The following EFNA5 variants were observed in gnomAD, a reference collection of about 807,000 sequenced individuals.
EFNA5 encodes the protein ephrin-A5.
A neutral mutation model predicts 22.9 loss-of-function variants in EFNA5; 5 were observed. The observed-to-expected ratio is 0.22, with a 90% CI of 0.11 to 0.46. The LOEUF is 0.46. Among genes scored for constraint, EFNA5 ranks in the 20% least tolerant of loss-of-function variants. EFNA5 has a pLI of 0.99. For synonymous variants in EFNA5, 113 were observed against 112.2 expected, an observed-to-expected ratio of 1.01 and a Z score of -0.04; for missense variants, 237 against 293.3, an observed-to-expected ratio of 0.81 and a Z score of 1.40.
At chr5:107,391,390 C>G (rs535733517) in intron 2 of EFNA5, among the ~76,000 whole-genome samples, 1 of 152,228 alleles carries the variant, frequency 6.6e-6, no homozygotes, top group South Asian at 2.1e-4. Flanking sequence ...GTGTCCCAGA[C>G]ATGTTTATCA....
intron 2 of EFNA5, among the ~76,000 whole-genome samples, chr5:107,402,756 T>C (rs1386228202): frequency 1.3e-5 from 2 of 152,178 alleles, no homozygotes; most frequent in African/African-American, 4.8e-5. Flanking sequence ...TCGGAGATAA[T>C]TGAAAAAAGA....
At chr5:107,434,842 T>C (rs889238252) in intron 1 of EFNA5, among the ~76,000 whole-genome samples, 4 of 152,246 alleles carry the variant, frequency 2.6e-5, no homozygotes, top group South Asian at 2.1e-4. Context: ...TATTTTAATC[T>C]GTCAAAGAGG....
intron 1 of EFNA5, among the ~76,000 whole-genome samples, chr5:107,519,621 C>T (rs1276710645): frequency 6.6e-6 from 1 of 152,084 alleles, no homozygotes; most frequent in African/African-American, 2.4e-5. Context: ...ACTGAGAAAA[C>T]GATTGTTGTT....
Position 107,380,606 on chromosome 5 carries a change from G to A in EFNA5, c.*649C>T, listed in dbSNP as rs182652652. ...AAAAAAAAAAAAGGCTTCTTTTAGAGAGCACAAGTTTTGCTGTCAAGAATG... is the reference window on the plus strand; with the variant it reads ...AAAAAAAAAAAAGGCTTCTTTTAGAAAGCACAAGTTTTGCTGTCAAGAATG... On this transcript the variant is annotated 3_prime_UTR_variant, in exon 5 of 5. Coordinates refer to ENST00000333274, the MANE Select transcript of EFNA5 (RefSeq NM_001962.3). The A allele has an allele frequency of 7.5e-4, 277 of 368,740 alleles. 1 individual carries two copies. Among genetic ancestry groups the A allele is most frequent in the African/African-American group, 5.0e-3 (235 of 47,224 alleles). 22.8% of individuals were successfully genotyped at this position (368,740 alleles called of 1,614,324 possible).
intron 1 of EFNA5, among the ~76,000 whole-genome samples, chr5:107,490,755 A>T (rs1746781562): frequency 6.6e-6 from 1 of 152,212 alleles, no homozygotes; most frequent in Admixed American, 6.5e-5. Flanking sequence ...CCAATGCCTT[A>T]CAGCGGCTAC....
At chr5:107,416,588 A>G (rs1748511404) in intron 2 of EFNA5, among the ~76,000 whole-genome samples, 1 of 152,150 alleles carries the variant, frequency 6.6e-6, no homozygotes, top group African/African-American at 2.4e-5. Flanking sequence ...ATGCTAAATC[A>G]CTCTAATTAC....
rs569981264 is a variant in EFNA5 at position 107,642,927 on chromosome 5, C to T, written c.125+27562G>A. Among the ~76,000 whole-genome samples the T allele has an allele frequency of 4.8e-5, 6 of 125,760 alleles. No individual in the cohort carries two copies. The South Asian group carries it at 1.8e-3, about 37-fold the overall frequency. The allele number at this position is 125,760 out of a possible 152,430, so 82.5% of individuals were successfully genotyped here. The stretch of plus-strand genomic sequence containing the variant: ...TCTAAAATGTCATTTTGTCCATTTC[C>T]TCACCTGAAAAAAAAAAAAAAAACT... On this transcript the variant is annotated intron_variant, in intron 1 of 4. Coordinates refer to ENST00000333274, the MANE Select transcript of EFNA5 (RefSeq NM_001962.3).
chr5:107,464,161 A>G (rs1468593903), intron 1 of EFNA5, among the ~76,000 whole-genome samples: 2 of 152,064 alleles, frequency 1.3e-5, no homozygotes, highest in Non-Finnish European at 2.9e-5. Flanking sequence ...CTAACCTCCT[A>G]ACCTCTGGAG....
intron 2 of EFNA5, among the ~76,000 whole-genome samples, chr5:107,415,622 A>G (rs1310126065): frequency 6.6e-6 from 1 of 152,196 alleles, no homozygotes; most frequent in East Asian, 1.9e-4. Context: ...CCCTCTGTGT[A>G]AAATCTGGGT....
At chr5:107,654,538 T>C (rs1580584229) in intron 1 of EFNA5, among the ~76,000 whole-genome samples, 1 of 152,310 alleles carries the variant, frequency 6.6e-6, no homozygotes, top group South Asian at 2.1e-4. Flanking sequence ...ACTTTGTTCC[T>C]TTTGCTTAAA....
chr5:107,629,182 C>CA (rs1159722472), intron 1 of EFNA5, among the ~76,000 whole-genome samples: 1 of 151,892 alleles, frequency 6.6e-6, no homozygotes, highest in Non-Finnish European at 1.5e-5. Context: ...TCTACACACA[C>CA]AAAAAATTCA....
chr5:107,664,212 A>G (rs1227071712), intron 1 of EFNA5, among the ~76,000 whole-genome samples: 1 of 152,190 alleles, frequency 6.6e-6, no homozygotes, highest in Non-Finnish European at 1.5e-5. Context: ...AATAAAAAGT[A>G]CTATCAAGAA....
At chr5:107,574,691 A>G (rs1458640057) in intron 1 of EFNA5, among the ~76,000 whole-genome samples, 2 of 152,164 alleles carry the variant, frequency 1.3e-5, no homozygotes, top group Non-Finnish European at 2.9e-5. Flanking sequence ...GGAAGGGGGG[A>G]AAAAGACTAA....
chr5:107,655,561 G>T (rs918966025), intron 1 of EFNA5, among the ~76,000 whole-genome samples: 13 of 152,034 alleles, frequency 8.6e-5, no homozygotes, highest in Non-Finnish European at 7.4e-5. Flanking sequence ...AGCGCATAAG[G>T]ATCATTGATA....
At chr5:107,569,805 T>C (rs533568465) in intron 1 of EFNA5, among the ~76,000 whole-genome samples, 75 of 143,246 alleles carry the variant, frequency 5.2e-4, no homozygotes, top group Non-Finnish European at 9.5e-4. Context: ...TTAGCCAAGA[T>C]TGCACCATGC....
intron 1 of EFNA5, among the ~76,000 whole-genome samples, chr5:107,589,160 T>C (rs922230516): frequency 1.3e-5 from 2 of 152,194 alleles, no homozygotes; most frequent in Admixed American, 1.3e-4. Flanking sequence ...GAGATGGACA[T>C]GGATTTAGCT....
At chr5:107,400,038 A>C (rs1338907072) in intron 2 of EFNA5, among the ~76,000 whole-genome samples, 2 of 152,222 alleles carry the variant, frequency 1.3e-5, no homozygotes, top group Non-Finnish European at 2.9e-5. Context: ...GGTTCATCAT[A>C]TTTTAAAATT....
chr5:107,549,906 C>G (rs1434647520), intron 1 of EFNA5, among the ~76,000 whole-genome samples: 1 of 152,210 alleles, frequency 6.6e-6, no homozygotes, highest in Non-Finnish European at 1.5e-5. Flanking sequence ...TAGCACCTCT[C>G]AAATGTAAAA....
chr5:107,548,321 TC>T (rs1280600223), intron 1 of EFNA5, among the ~76,000 whole-genome samples: 7 of 152,086 alleles, frequency 4.6e-5, no homozygotes, highest in East Asian at 1.9e-4. Context: ...AAACAATCTC[TC>T]CCCCTTTCAC....
Sources: gnomAD v4.1 joint callset for allele counts (sites outside exome capture counted in the v4.1 genomes callset) on GRCh38, gnomAD v4.1.1 for gene constraint, MANE v1.5 for transcripts, NCBI Gene and HGNC (gene_info 2026-07-23, HGNC 2026-07-21) for gene names.